Variants in LMO4 observed in about 807,000 individuals in gnomAD.
LMO4 encodes LIM domain only 4.
In LMO4, 3 loss-of-function variants were observed where a neutral mutation model predicts 18.5. The observed-to-expected ratio is 0.16, with a 90% CI of 0.07 to 0.42. The LOEUF (loss-of-function observed/expected upper bound fraction) is 0.42, where lower values mean the gene tolerates loss of function less well. Among genes scored for constraint, LMO4 ranks in the 10% least tolerant of loss-of-function variants. The probability of loss-of-function intolerance (pLI) is 0.99; values close to 1 mark genes in which losing one functional copy is unlikely to be tolerated. For missense variants in LMO4, 121 were observed against 219.9 expected, an observed-to-expected ratio of 0.55 and a Z score of 2.84; for synonymous variants, 100 against 88.1, an observed-to-expected ratio of 1.14 and a Z score of -0.76.
At chr1:87,335,460 G>C (rs968510339) in intron 2 of LMO4, among the ~76,000 whole-genome samples, 7 of 151,842 alleles carry the variant, frequency 4.6e-5, no homozygotes, top group South Asian at 4.1e-4. Context: ...GGGCCCACGA[G>C]GGGGCGAGCG....
intron 2 of LMO4, among the ~76,000 whole-genome samples, chr1:87,335,772 G>T (rs1650289951): frequency 6.6e-6 from 1 of 151,808 alleles, no homozygotes; most frequent in Non-Finnish European, 1.5e-5. Flanking sequence ...TTTCCAATAG[G>T]ACGTGCTAGG....
At chr1:87,335,874 A>G (rs1356558913) in intron 2 of LMO4, among the ~76,000 whole-genome samples, 2 of 151,914 alleles carry the variant, frequency 1.3e-5, no homozygotes, top group African/African-American at 2.4e-5. Flanking sequence ...TTAGCTAGAA[A>G]AAAAAAAAAA....
intron 2 of LMO4, among the ~76,000 whole-genome samples, chr1:87,337,508 A>G (rs544197874): frequency 6.6e-6 from 1 of 152,306 alleles, no homozygotes; most frequent in South Asian, 2.1e-4. Flanking sequence ...CTTATCCATT[A>G]AAATACTTCA....
At chr1:87,335,777 G>A (rs1650290142) in intron 2 of LMO4, among the ~76,000 whole-genome samples, 1 of 151,940 alleles carries the variant, frequency 6.6e-6, no homozygotes, top group Non-Finnish European at 1.5e-5. Flanking sequence ...AATAGGACGT[G>A]CTAGGTAAAT....
chr1:87,335,807 T>C (rs1650290543), intron 2 of LMO4, among the ~76,000 whole-genome samples: 1 of 151,126 alleles, frequency 6.6e-6, no homozygotes, highest in Non-Finnish European at 1.5e-5. Context: ...GGTTATTTAA[T>C]ATCACTTTGA....
chr1:87,340,223 A>G, intron 4 of LMO4, 21 bp downstream of exon 4: 2 of 1,612,572 alleles, frequency 1.2e-6, no homozygotes, highest in Non-Finnish European at 1.7e-6. Flanking sequence ...AGCAATTACT[A>G]ATAAGCTTTA....
chr1:87,331,616 T>A (rs1650149572), intron 1 of LMO4: 1 of 214,436 alleles, frequency 4.7e-6, no homozygotes, highest in African/African-American at 2.3e-5. Context: ...TGACCCTCAT[T>A]TGCTGGAGGC....
intron 3 of LMO4, 100 bp from the exon 4 acceptor site, chr1:87,339,947 G>C: frequency 7.6e-7 from 1 of 1,322,826 alleles, no homozygotes; most frequent in Middle Eastern, 1.9e-4. Flanking sequence ...AAGTGTCTCT[G>C]TACTTGACAG....
In LMO4 at chr1:87,347,742, G is replaced by A. The variant is rs1284105407; in HGVS notation, c.*2946G>A. 6.6e-6 allele frequency: 1 copy of A among 152,166 alleles called. No homozygotes were observed. Among genetic ancestry groups the A allele is most frequent in the Non-Finnish European group, 1.5e-5 (1 of 68,018 alleles). The allele number at this position is 152,166 out of a possible 1,614,324, so 9.4% of individuals were successfully genotyped here. A position where few individuals can be genotyped will look rare whatever the true frequency, so the allele number is the denominator to read the frequency against. On this transcript the variant is annotated 3_prime_UTR_variant, in exon 5 of 5. Coordinates refer to ENST00000370544, the MANE Select transcript of LMO4 (RefSeq NM_006769.4). Reference sequence around the variant, plus strand: ...TGTTAATGAAACAATTTTGTAAAAAGATAGTCCTCTAAAAGGGTTTAATGT... The same window carrying A: ...TGTTAATGAAACAATTTTGTAAAAAAATAGTCCTCTAAAAGGGTTTAATGT...
At chr1:87,341,648 T>C (rs570365149) in intron 4 of LMO4, among the ~76,000 whole-genome samples, 1 of 152,330 alleles carries the variant, frequency 6.6e-6, no homozygotes, top group East Asian at 1.9e-4. Context: ...TTTCCCTTGC[T>C]CAAGTTTATG....
In LMO4 at chr1:87,344,904, C is replaced by T; in HGVS notation, c.*108C>T. On this transcript the variant is annotated 3_prime_UTR_variant, in exon 5 of 5. Coordinates refer to ENST00000370544, the MANE Select transcript of LMO4 (RefSeq NM_006769.4). ...TCACCTTTGTAGCTAGCACCAGTGC[C>T]AGCTCCATGCCATTGCACCTTCTTT... The T allele has an allele frequency of 2.9e-6, 3 of 1,036,724 alleles. No homozygotes were observed. Among genetic ancestry groups the T allele is most frequent in the Non-Finnish European group, 4.5e-6 (3 of 661,308 alleles). The allele number at this position is 1,036,724 out of a possible 1,614,324, so 64.2% of individuals were successfully genotyped here.
chr1:87,339,700 A>G, intron 3 of LMO4, 68 bp downstream of exon 3: 1 of 977,090 alleles, frequency 1.0e-6, no homozygotes, highest in Non-Finnish European at 1.6e-6. Flanking sequence ...ATGGGGGCAA[A>G]GCATTTCTCC....
intron 4 of LMO4, among the ~76,000 whole-genome samples, chr1:87,342,939 C>G (rs1000054907): frequency 6.6e-6 from 1 of 152,042 alleles, no homozygotes; most frequent in African/African-American, 2.4e-5. Flanking sequence ...TGACAAATGG[C>G]TTCGTTTTAT....
chr1:87,338,161 T>TTAGTAGTTTGAACATGACAAGCC (rs1413321478), intron 2 of LMO4, among the ~76,000 whole-genome samples: 1 of 152,180 alleles, frequency 6.6e-6, no homozygotes, highest in Non-Finnish European at 1.5e-5. Context: ...CGACAGCAAA[T>TTAGTAGTTTGAACATGACAAGCC]TAGTAGTTTG....
chr1:87,342,225 A>G (rs1650518593), intron 4 of LMO4, among the ~76,000 whole-genome samples: 1 of 152,210 alleles, frequency 6.6e-6, no homozygotes, highest in African/African-American at 2.4e-5. Flanking sequence ...ATTGTGAAGC[A>G]CTGAATACAG....
chr1:87,330,896 G>A (rs931338807), intron 1 of LMO4, among the ~76,000 whole-genome samples: 103 of 152,304 alleles, frequency 6.8e-4, no homozygotes, highest in African/African-American at 2.4e-3. Context: ...TTTAGGCTAA[G>A]CTTTATAAAT....
intron 2 of LMO4, among the ~76,000 whole-genome samples, chr1:87,336,987 C>CACACAT (rs1650334721): frequency 6.6e-6 from 1 of 152,162 alleles, no homozygotes; most frequent in African/African-American, 2.4e-5. Context: ...AACACACACA[C>CACACAT]ACACGCACAC....
intron 2 of LMO4, among the ~76,000 whole-genome samples, chr1:87,337,245 T>G (rs761276237): frequency 1.3e-5 from 2 of 152,220 alleles, no homozygotes; most frequent in South Asian, 2.1e-4. Flanking sequence ...TGTGGCTGAT[T>G]GTTCTCTGAA....
rs776904648 is a variant in LMO4, at chr1:87,340,061, T to A, written c.348T>A (p.Ser116=). 23 of 1,613,550 alleles carry A rather than the reference T, an allele frequency of 1.4e-5. No individual in the cohort carries two copies. Among genetic ancestry groups the A allele is most frequent in the Non-Finnish European group, 1.8e-5 (21 of 1,179,896 alleles). ...TTCCCTTTCAGTGTTTTACATGCTC[T>A]ACCTGCCGGAATCGCCTGGTCCCGG... ...NVYHLKCFTC[S]TCRNRLVPGD... The change falls in exon 4 of 5, where the codon TCT becomes TCA. Residue 116 remains serine (S), a synonymous_variant. Transcript: ENST00000370544.
Sources: allele counts gnomAD v4.1 joint callset (sites outside exome capture counted in the v4.1 genomes callset), GRCh38; gene constraint gnomAD v4.1.1; transcripts MANE v1.5; gene names NCBI Gene and HGNC (gene_info 2026-07-23, HGNC 2026-07-21).